Variants in FAM193B observed in about 807,000 individuals in gnomAD.
FAM193B encodes the protein family with sequence similarity 193 member B, also known as protein FAM193B.
FAM193B carries 27 observed loss-of-function variants against 70.7 expected under a neutral mutation model. That is an observed-to-expected ratio of 0.38 (90% CI 0.28 to 0.53). The LOEUF is 0.53. Among genes scored for constraint, FAM193B ranks in the 20% least tolerant of loss-of-function variants. The pLI is 0.81. For missense variants in FAM193B, 1,022 were observed against 1,072.5 expected (o/e 0.95, Z 0.66); for synonymous variants, 448 against 436.0 (o/e 1.03, Z -0.34).
chr5:177,531,087 C>T (rs1000136820), intron 5 of FAM193B, among the ~76,000 whole-genome samples: 5 of 152,208 alleles, frequency 3.3e-5, no homozygotes, highest in Non-Finnish European at 5.9e-5. Context: ...GGCCATGACA[C>T]GTTTTTTCCT....
At chr5:177,531,612 G>A (rs1004739846) in intron 5 of FAM193B, 15 of 1,061,050 alleles carry the variant, frequency 1.4e-5, no homozygotes, top group Admixed American at 3.5e-5. Context: ...GTGATGAGAA[G>A]CAAGACAACT....
Position 177,538,692 on chromosome 5 carries a change from C to T in FAM193B, c.453+213G>A, listed in dbSNP as rs1008865970. ...GGGCCCTCATCCTGTGCACAGACCA[C>T]CCTGAGGGACTGACCGGTGGGCTGC... is the stretch of plus-strand genomic sequence containing the variant. On this transcript the variant is annotated intron_variant, in intron 2 of 8. Transcript: ENST00000514747. This position sits in a 1 kb window ranked among gnomAD's most constrained non-coding sequence, Gnocchi z 4.1. 6.6e-6 allele frequency among the ~76,000 whole-genome samples: 1 copy of T among 152,204 alleles called. No homozygotes were observed. The highest frequency in any genetic ancestry group is 6.5e-5 in the Admixed American group (1 of 15,278).
In FAM193B at chr5:177,539,085, T is replaced by C; in HGVS notation, c.273A>G (p.Lys91=). 1 of 1,612,126 alleles carries C rather than the reference T, an allele frequency of 6.2e-7. No homozygotes were observed. The highest frequency in any genetic ancestry group is 8.5e-7 in the Non-Finnish European group (1 of 1,179,036). Residue 91 remains lysine, a synonymous_variant, in exon 2 of 9, where the codon AAA becomes AAG. Transcript: ENST00000514747. ...TCCLLCHRER[K]GWEEGPSQNG... ...TTTGAGAAGGGCCTTCTTCCCAGCC[T>C]TTGCGTTCCCGGTGACACAGCAGGC...
At chr5:177,539,899 AGGAT>A (rs1370858741) in intron 1 of FAM193B, among the ~76,000 whole-genome samples, 1 of 152,180 alleles carries the variant, frequency 6.6e-6, no homozygotes, top group Admixed American at 6.5e-5. Flanking sequence ...AGTTGTTGTA[AGGAT>A]CATCACTGCG....
rs1264826797 is a variant in FAM193B, at chr5:177,538,789, C to T, written c.453+116G>A. ...CTGTGCCAGTGCAGCCCAGAAGTCT[C>T]TCAGTGCCTGGGCATGGGAGCTGCC... On this transcript the variant is annotated intron_variant, in intron 2 of 8. Coordinates refer to ENST00000514747, the MANE Select transcript of FAM193B (RefSeq NM_001190946.3). This position sits in a 1 kb window ranked among gnomAD's most constrained non-coding sequence, Gnocchi z 4.1. 7.2e-7 allele frequency: 1 copy of T among 1,392,670 alleles called. No individual in the cohort carries two copies. Among genetic ancestry groups the T allele is most frequent in the Non-Finnish European group, 9.8e-7 (1 of 1,017,932 alleles). The allele number at this position is 1,392,670 out of a possible 1,614,324, so 86.3% of individuals were successfully genotyped here. A position where few individuals can be genotyped will look rare whatever the true frequency, so the allele number is the denominator to read the frequency against.
intron 1 of FAM193B, among the ~76,000 whole-genome samples, chr5:177,550,016 T>G (rs1300288755): frequency 6.6e-6 from 1 of 152,130 alleles, no homozygotes; most frequent in African/African-American, 2.4e-5. Context: ...ATATCAAAAA[T>G]TAAAAATTTA....
At position 177,554,298 on chromosome 5, in the gene FAM193B, T is replaced by C. The variant is rs1002675594; in HGVS notation, c.161A>G (p.His54Arg). 11 of 1,381,434 alleles carry C rather than the reference T, an allele frequency of 8.0e-6. No individual in the cohort carries two copies. In the African/African-American group the frequency reaches 1.5e-4, roughly 19 times the overall value. The allele number at this position is 1,381,434 out of a possible 1,614,324, so 85.6% of individuals were successfully genotyped here. ...TTCGTCATCCTCCCTGGGGCCGTCG[T>C]GGTCGGGCTCCGCCGGCGCCTCCGG... Reference protein sequence around the residue: ...GPPEAPAEPDHDGPREDDEPN... With the variant: ...GPPEAPAEPDRDGPREDDEPN... The change falls in exon 1 of 9, where the codon CAC becomes CGC. Residue 54 changes from histidine to arginine, a missense_variant. By Grantham distance (29) the His-to-Arg change is conservative (BLOSUM62 0). Transcript: ENST00000514747.
rs1423575695 is a variant in FAM193B, at chr5:177,524,486, C to T, written c.1995G>A (p.Lys665=). 1 of 1,612,734 alleles carries T rather than the reference C, an allele frequency of 6.2e-7. No homozygotes were observed. The highest frequency in any genetic ancestry group is 8.5e-7 in the Non-Finnish European group (1 of 1,179,686). The change falls in exon 6 of 9, where the codon AAG becomes AAA. Residue 665 remains lysine (K), a synonymous_variant. Coordinates refer to ENST00000514747, the MANE Select transcript of FAM193B (RefSeq NM_001190946.3). ...PPASLEVPSA[K]GQVAGPKQPG... is the part of the protein sequence containing the mutation. Reference sequence around the variant, plus strand: ...GCTGCTTGGGGCCAGCGACCTGGCCCTTGGCACTGGGAACCTCTAGGCTGG... The same window carrying T: ...GCTGCTTGGGGCCAGCGACCTGGCCTTTGGCACTGGGAACCTCTAGGCTGG...
intron 5 of FAM193B, chr5:177,531,542 C>T: frequency 7.8e-7 from 1 of 1,277,108 alleles, no homozygotes; most frequent in Non-Finnish European, 1.0e-6. Context: ...GGGGGAGGTG[C>T]TGACATTACA....
chr5:177,544,301 C>G (rs202098021), intron 1 of FAM193B, among the ~76,000 whole-genome samples: 1 of 152,210 alleles, frequency 6.6e-6, no homozygotes, highest in Non-Finnish European at 1.5e-5. Flanking sequence ...CTTACCAGAT[C>G]AGGCCCAAGA....
chr5:177,531,771 G>C (rs936806499), intron 5 of FAM193B: 1 of 765,086 alleles, frequency 1.3e-6, no homozygotes, highest in Admixed American at 3.9e-5. Context: ...GTTGGAGCCC[G>C]GGCTTCGTCA....
chr5:177,520,555 G>A (rs542153738), intron 8 of FAM193B, among the ~76,000 whole-genome samples: 1 of 152,312 alleles, frequency 6.6e-6, no homozygotes, highest in African/African-American at 2.4e-5. Context: ...TTACTAGGGG[G>A]TGGGGAGAGG....
chr5:177,532,205 G>A lies in FAM193B; in HGVS notation c.1275+238C>T. The A allele has an allele frequency of 1.3e-6, 2 of 1,493,648 alleles. No individual in the cohort carries two copies. Among genetic ancestry groups the A allele is most frequent in the Non-Finnish European group, 1.8e-6 (2 of 1,125,964 alleles). 92.5% of individuals were successfully genotyped at this position (1,493,648 alleles called of 1,614,324 possible). On this transcript the variant is annotated intron_variant, in intron 5 of 8. Coordinates refer to ENST00000514747, the MANE Select transcript of FAM193B (RefSeq NM_001190946.3). This position sits in a 1 kb window ranked among gnomAD's most constrained non-coding sequence, Gnocchi z 4.9. The stretch of plus-strand genomic sequence containing the variant: ...TGCCATTTCCTTTCCTTTTGCCTAA[G>A]GAAAAAAAGTCAATCTTAAGAGAAA...
chr5:177,523,211 G>A, intron 7 of FAM193B: 2 of 368,988 alleles, frequency 5.4e-6, no homozygotes, highest in African/African-American at 2.1e-5. Flanking sequence ...ACTTGGCCAG[G>A]CTGGTCTTGA....
At chr5:177,534,187 T>C (rs970140500) in intron 4 of FAM193B, among the ~76,000 whole-genome samples, 1 of 152,322 alleles carries the variant, frequency 6.6e-6, no homozygotes, top group East Asian at 1.9e-4. Flanking sequence ...ATGCTAAGCA[T>C]GTGACGTGGA....
At position 177,547,354 on chromosome 5, in the gene FAM193B, G is replaced by A. The variant is rs1194733797; in HGVS notation, c.210+6895C>T. ...GGCTGGAGTGCAGTGGCGCGATCTC[G>A]ACTCACTGCAAGCTCCGCCTCCCGG... is the stretch of plus-strand genomic sequence containing the variant. On this transcript the variant is annotated intron_variant, in intron 1 of 8. Transcript: ENST00000514747. The A allele has an allele frequency of 5.1e-5, 7 of 137,736 alleles. No homozygotes were observed. The Admixed American group carries it at 5.6e-4, about 11-fold the overall frequency. The allele number at this position is 137,736 out of a possible 1,614,324, so 8.5% of individuals were successfully genotyped here.
chr5:177,548,668 G>C (rs1026480969), intron 1 of FAM193B, among the ~76,000 whole-genome samples: 1 of 152,176 alleles, frequency 6.6e-6, no homozygotes, highest in Non-Finnish European at 1.5e-5. Context: ...CTGGGATAGG[G>C]TCCAGCAAAG....
chr5:177,520,889 A>T (rs958569565), intron 8 of FAM193B, among the ~76,000 whole-genome samples: 14 of 152,272 alleles, frequency 9.2e-5, no homozygotes, highest in African/African-American at 3.4e-4. Context: ...GAGTGTAAAG[A>T]AGACAGTCTG....
rs1337149822 is a variant in FAM193B, at chr5:177,538,046, G to A, written c.515C>T (p.Ser172Leu). The A allele has an allele frequency of 9.7e-6, 15 of 1,552,752 alleles. No homozygotes were observed. Among genetic ancestry groups the A allele is most frequent in the Non-Finnish European group, 6.1e-6 (7 of 1,147,494 alleles). Reference protein sequence around the residue: ...QSCGDDSHSSSSSSSSSSSSS... With the variant: ...QSCGDDSHSSLSSSSSSSSSS... The stretch of plus-strand genomic sequence containing the variant: ...GGATGAGGATGATGAGGAGGAAGAC[G>A]AGGACGAATGAGAGTCATCTCCACA... Residue 172 changes from serine to leucine, a missense_variant, in exon 3 of 9, where the codon TCG becomes TTG. Physicochemically the swap from Ser to Leu is moderately radical, Grantham distance 145 (BLOSUM62 -2). Coordinates refer to ENST00000514747, the MANE Select transcript of FAM193B (RefSeq NM_001190946.3). The surrounding 1 kb of genome is among the most constrained non-coding windows in gnomAD (Gnocchi z 4.1).
Sources: allele counts gnomAD v4.1 joint callset (sites outside exome capture counted in the v4.1 genomes callset), GRCh38; gene constraint gnomAD v4.1.1; non-coding constraint Gnocchi (gnomAD v3.1); transcripts MANE v1.5; gene names NCBI Gene and HGNC (gene_info 2026-07-23, HGNC 2026-07-21).